PLCB1: variants seen among roughly 807,000 people sequenced by gnomAD.
The protein encoded by PLCB1 is phospholipase C beta 1.
Under a neutral mutation model 161.8 loss-of-function variants are expected in PLCB1, and 46 were observed. That is an observed-to-expected ratio of 0.28 (90% confidence interval 0.22 to 0.36). The LOEUF is 0.36. Among genes scored for constraint, PLCB1 ranks in the 10% least tolerant of loss-of-function variants. PLCB1 has a pLI of 1.00. For missense variants in PLCB1, 1,016 were observed against 1,472.5 expected (o/e 0.69, Z 5.07); for synonymous variants, 517 against 503.7 (o/e 1.03, Z -0.35).
At chr20:8,459,878 A>G (rs1466784272) in intron 3 of PLCB1, among the ~76,000 whole-genome samples, 6 of 152,224 alleles carry the variant, frequency 3.9e-5, no homozygotes, top group Admixed American at 3.9e-4. Flanking sequence ...AATTAGTGGG[A>G]GAGGTGTAAT....
At chr20:8,580,223 A>G (rs1986792309) in intron 3 of PLCB1, among the ~76,000 whole-genome samples, 1 of 152,202 alleles carries the variant, frequency 6.6e-6, no homozygotes, top group Admixed American at 6.5e-5. Context: ...CAAAGCATCA[A>G]AAATACAGAA....
Position 8,657,294 on chromosome 20 carries a change from C to G in PLCB1, c.695+10C>G, listed in dbSNP as rs763454386. On this transcript the variant is annotated intron_variant, in intron 8 of 31. Transcript: ENST00000338037. ...ACATCTTTTCAGAATTGTAAGAGTA[C>G]ACATTTTAAGCCATATCTTTTTCAG... The G allele has an allele frequency of 3.3e-5, 49 of 1,503,498 alleles. 1 individual carries two copies. In the East Asian group the frequency reaches 1.1e-3, roughly 32 times the overall value. 93.1% of individuals were successfully genotyped at this position (1,503,498 alleles called of 1,614,324 possible). A position where few individuals can be genotyped will look rare whatever the true frequency, so the allele number is the denominator to read the frequency against.
intron 3 of PLCB1, among the ~76,000 whole-genome samples, chr20:8,396,250 C>A (rs557556348): frequency 6.6e-5 from 10 of 152,106 alleles, no homozygotes; most frequent in African/African-American, 1.4e-4. Flanking sequence ...GGCATCTTTA[C>A]CTCAATTAAT....
intron 10 of PLCB1, among the ~76,000 whole-genome samples, chr20:8,686,146 A>G (rs2123402433): frequency 6.6e-6 from 1 of 152,318 alleles, no homozygotes; most frequent in South Asian, 2.1e-4. Flanking sequence ...TAAACTACAT[A>G]CTTAACTGAA....
chr20:8,748,974 A>G (rs1981313721), intron 23 of PLCB1, among the ~76,000 whole-genome samples: 1 of 152,182 alleles, frequency 6.6e-6, no homozygotes, highest in Non-Finnish European at 1.5e-5. Flanking sequence ...CAACGTGCAT[A>G]CAGATCACTT....
At chr20:8,591,704 A>C (rs545199470) in intron 3 of PLCB1, among the ~76,000 whole-genome samples, 2 of 152,262 alleles carry the variant, frequency 1.3e-5, no homozygotes, top group South Asian at 4.1e-4. Flanking sequence ...CCTGAGAAGC[A>C]TTTGTTGTTA....
rs539779179 is a variant in PLCB1, at chr20:8,644,662, G to C, written c.385-1440G>C. 5.0e-4 allele frequency among the ~76,000 whole-genome samples: 76 copies of C among 152,074 alleles called. 1 individual carries two copies. The highest frequency in any genetic ancestry group is 1.7e-3 in the African/African-American group (72 of 41,508). On this transcript the variant is annotated intron_variant, in intron 4 of 31. Transcript: ENST00000338037. ...GGCAGCCAACCTGTCTGGGAAGTGA[G>C]GAGCGTCTCCGCCCGGCAGCCGCCC... is the stretch of plus-strand genomic sequence containing the variant.
chr20:8,651,364 C>T (rs1288084687), intron 7 of PLCB1: 1 of 691,260 alleles, frequency 1.4e-6, no homozygotes, highest in Admixed American at 2.2e-5. Context: ...TTTGGTGGGT[C>T]ACAAGAAAGA....
At chr20:8,489,170 A>G (rs1982846457) in intron 3 of PLCB1, among the ~76,000 whole-genome samples, 1 of 152,152 alleles carries the variant, frequency 6.6e-6, no homozygotes, top group Admixed American at 6.5e-5. Flanking sequence ...GGATACGTCT[A>G]TTATGGGGAG....
intron 3 of PLCB1, among the ~76,000 whole-genome samples, chr20:8,462,322 A>G (rs1981617053): frequency 6.6e-6 from 1 of 152,166 alleles, no homozygotes; most frequent in Non-Finnish European, 1.5e-5. Context: ...TAGTCCTCTT[A>G]TCACTGGTAA....
intron 9 of PLCB1, among the ~76,000 whole-genome samples, chr20:8,666,665 G>A (rs531270653): frequency 6.6e-6 from 1 of 152,258 alleles, no homozygotes; most frequent in Non-Finnish European, 1.5e-5. Flanking sequence ...ATCCACCTAG[G>A]CACTCCAACA....
chr20:8,809,086 T>C (rs572597402), intron 31 of PLCB1, among the ~76,000 whole-genome samples: 5 of 152,242 alleles, frequency 3.3e-5, no homozygotes, highest in African/African-American at 1.2e-4. Context: ...AGCCTCAATT[T>C]CCCGAGGTCA....
intron 31 of PLCB1, among the ~76,000 whole-genome samples, chr20:8,843,400 T>A (rs1173321521): frequency 6.6e-6 from 1 of 152,226 alleles, no homozygotes; most frequent in Non-Finnish European, 1.5e-5. Context: ...AAATTAAAGT[T>A]GGGCATTGGC....
At chr20:8,479,095 A>T (rs1982396908) in intron 3 of PLCB1, among the ~76,000 whole-genome samples, 1 of 152,164 alleles carries the variant, frequency 6.6e-6, no homozygotes, top group Non-Finnish European at 1.5e-5. Context: ...ATTCAAAATA[A>T]TGTAGAATTA....
At chr20:8,584,483 GACACAC>G (rs61008784) in intron 3 of PLCB1, among the ~76,000 whole-genome samples, 1 of 147,664 alleles carries the variant, frequency 6.8e-6, no homozygotes, top group African/African-American at 2.5e-5. Context: ...CACACACACA[GACACAC>G]ACACACACAC....
intron 9 of PLCB1, among the ~76,000 whole-genome samples, chr20:8,665,927 C>A (rs1989799943): frequency 6.6e-6 from 1 of 152,092 alleles, no homozygotes; most frequent in South Asian, 2.1e-4. Context: ...ATGAGACCAG[C>A]AATGTAGCAG....
chr20:8,320,245 A>T (rs7266630), intron 2 of PLCB1, among the ~76,000 whole-genome samples: 4 of 152,164 alleles, frequency 2.6e-5, no homozygotes, highest in Admixed American at 1.3e-4. Flanking sequence ...ACACAGACTC[A>T]TATACATATG....
chr20:8,822,052 T>C (rs1985458247), intron 31 of PLCB1, among the ~76,000 whole-genome samples: 1 of 152,030 alleles, frequency 6.6e-6, no homozygotes, highest in Admixed American at 6.6e-5. Flanking sequence ...TTTCTTTTAA[T>C]GTGTGGCACC....
chr20:8,711,287 G>A (rs1313721979), intron 12 of PLCB1, among the ~76,000 whole-genome samples: 10 of 152,166 alleles, frequency 6.6e-5, no homozygotes, highest in Non-Finnish European at 2.9e-5. Flanking sequence ...CCAGGCAATG[G>A]CCAGCAAATG....
Sources: gnomAD v4.1 joint callset for allele counts (sites outside exome capture counted in the v4.1 genomes callset) on GRCh38, gnomAD v4.1.1 for gene constraint, MANE v1.5 for transcripts, NCBI Gene and HGNC (gene_info 2026-07-23, HGNC 2026-07-21) for gene names.